Variants in NRXN3 observed in about 807,000 individuals in gnomAD.
The protein encoded by NRXN3 is neurexin 3.
Under a neutral mutation model 137.6 loss-of-function variants are expected in NRXN3, and 32 were observed. The ratio of observed to expected loss-of-function variants is 0.23; its 90% CI spans 0.18 to 0.31. The LOEUF is 0.31. Among genes scored for constraint, NRXN3 ranks in the 10% least tolerant of loss-of-function variants. The pLI, the probability that NRXN3 is intolerant of heterozygous loss-of-function variation, is 1.00. For synonymous variants in NRXN3, 798 were observed against 784.5 expected (o/e 1.02, Z -0.29); for missense variants, 1,574 against 2,062.5 (o/e 0.76, Z 4.59).
intron 4 of NRXN3, among the ~76,000 whole-genome samples, chr14:78,486,383 C>T (rs942838420): frequency 2.6e-5 from 4 of 152,170 alleles, no homozygotes; most frequent in African/African-American, 4.8e-5. Flanking sequence ...TGTAATTTTT[C>T]TCAGAAGGCT....
intron 15 of NRXN3, among the ~76,000 whole-genome samples, chr14:79,433,265 G>C (rs1426477209): frequency 6.6e-6 from 1 of 152,156 alleles, no homozygotes; most frequent in Non-Finnish European, 1.5e-5. Flanking sequence ...AAAAGAAGAT[G>C]ATTGTTACAG....
At position 79,672,377 on chromosome 14, in the gene NRXN3, A is replaced by T. The variant is rs114343839; in HGVS notation, c.3616+8428A>T. On this transcript the variant is annotated intron_variant, in intron 17 of 20. Coordinates refer to ENST00000335750, the MANE Select transcript of NRXN3 (RefSeq NM_001330195.2). ...TGTAACCAGGGATGTAAGATAAAGA[A>T]TTTCTTGATTTCCAACCATAATGCA... Among the ~76,000 whole-genome samples the T allele has an allele frequency of 8.7e-3, 1,320 of 152,188 alleles. 13 individuals are homozygous for T. The highest frequency in any genetic ancestry group is 0.031 in the African/African-American group (1,270 of 41,552).
At chr14:78,694,050 T>C (rs1249608140) in intron 6 of NRXN3, among the ~76,000 whole-genome samples, 1 of 152,004 alleles carries the variant, frequency 6.6e-6, no homozygotes, top group Non-Finnish European at 1.5e-5. Context: ...TTATCAGGTC[T>C]CACCTTAGTA....
chr14:79,237,442 G>T (rs924083624), intron 15 of NRXN3, among the ~76,000 whole-genome samples: 1 of 152,148 alleles, frequency 6.6e-6, no homozygotes, highest in Non-Finnish European at 1.5e-5. Flanking sequence ...CCAACAGTGG[G>T]GTGCAGGGTT....
At chr14:79,800,427 T>A (rs2099174517) in intron 19 of NRXN3, among the ~76,000 whole-genome samples, 1 of 152,216 alleles carries the variant, frequency 6.6e-6, no homozygotes, top group South Asian at 2.1e-4. Context: ...GTAAATGTTA[T>A]TAGTAGGCAT....
chr14:79,853,229 G>A (rs2099395634), intron 20 of NRXN3, among the ~76,000 whole-genome samples: 1 of 152,196 alleles, frequency 6.6e-6, no homozygotes, highest in Non-Finnish European at 1.5e-5. Context: ...AGATGGGGCT[G>A]TGTGGCTGCC....
chr14:79,676,451 AT>A lies in NRXN3; in HGVS notation c.3616+12510del, dbSNP rs1252874666. The stretch of plus-strand genomic sequence containing the variant: ...ATTCCAAAAAGTGAGATTGTATAGT[AT>A]TTTTTTTCTGTGCAAAGTTATAAGG... On this transcript the variant is annotated intron_variant, in intron 17 of 20. Transcript: ENST00000335750. Among the ~76,000 whole-genome samples the A allele has an allele frequency of 3.3e-5, 5 of 151,696 alleles. No homozygotes were observed. The East Asian group carries it at 5.8e-4, about 18-fold the overall frequency.
In NRXN3 at chr14:79,279,289, G is replaced by A. The variant is rs544177675; in HGVS notation, c.3263-187932G>A. 4.9e-5 allele frequency: 46 copies of A among 943,078 alleles called. No individual in the cohort carries two copies. The African/African-American group carries it at 7.8e-4, about 16-fold the overall frequency. The allele number at this position is 943,078 out of a possible 1,614,324, so 58.4% of individuals were successfully genotyped here. On this transcript the variant is annotated intron_variant, in intron 15 of 20. Transcript: ENST00000335750. ...TTCCTCCGGAGCCAGCCAGTCCCTC[G>A]GCAGAGCGCTGGGGCTGCACTGATT...
chr14:79,471,941 G>A (rs79022943), intron 16 of NRXN3, among the ~76,000 whole-genome samples: 1 of 152,010 alleles, frequency 6.6e-6, no homozygotes, highest in African/African-American at 2.4e-5. Context: ...TCATCGCCCA[G>A]GTATTAAGCT....
At chr14:79,618,654 A>T (rs2098188726) in intron 16 of NRXN3, among the ~76,000 whole-genome samples, 1 of 152,134 alleles carries the variant, frequency 6.6e-6, no homozygotes, top group Non-Finnish European at 1.5e-5. Flanking sequence ...TGCTGCAGTG[A>T]ACATACAAGT....
intron 10 of NRXN3, among the ~76,000 whole-genome samples, chr14:78,865,223 T>C (rs890060140): frequency 1.3e-5 from 2 of 152,208 alleles, no homozygotes; most frequent in Non-Finnish European, 2.9e-5. Context: ...CTATTAATCA[T>C]TGATTACAAT....
chr14:78,547,350 C>A (rs1410344036), intron 4 of NRXN3, among the ~76,000 whole-genome samples: 1 of 151,962 alleles, frequency 6.6e-6, no homozygotes, highest in Non-Finnish European at 1.5e-5. Context: ...GGATTACAGG[C>A]GCCCGCTACC....
chr14:79,057,017 A>G (rs1423232879), intron 15 of NRXN3, among the ~76,000 whole-genome samples: 1 of 151,900 alleles, frequency 6.6e-6, no homozygotes, highest in African/African-American at 2.4e-5. Flanking sequence ...ATTGCCTTGT[A>G]TGTTATAAGA....
intron 19 of NRXN3, among the ~76,000 whole-genome samples, chr14:79,759,458 C>A (rs990496573): frequency 2.6e-5 from 4 of 151,046 alleles, no homozygotes; most frequent in Non-Finnish European, 5.9e-5. Flanking sequence ...AAAAAAATAC[C>A]TTACGTATAC....
chr14:78,593,870 C>T (rs898939992), intron 4 of NRXN3, among the ~76,000 whole-genome samples: 1 of 152,104 alleles, frequency 6.6e-6, no homozygotes, highest in African/African-American at 2.4e-5. Flanking sequence ...CCTCTTGCTG[C>T]CCCCACCCCA....
At chr14:79,589,799 G>A (rs1337391682) in intron 16 of NRXN3, among the ~76,000 whole-genome samples, 1 of 152,064 alleles carries the variant, frequency 6.6e-6, no homozygotes, top group African/African-American at 2.4e-5. Flanking sequence ...CTCTTAATGA[G>A]TCTCTGACGC....
chr14:79,713,589 A>ATG (rs2098813228), intron 19 of NRXN3, among the ~76,000 whole-genome samples: 1 of 129,364 alleles, frequency 7.7e-6, no homozygotes, highest in Non-Finnish European at 1.7e-5. Flanking sequence ...ATATACATAT[A>ATG]TATATACATA....
At chr14:79,380,142 AC>A (rs2094423630) in intron 15 of NRXN3, among the ~76,000 whole-genome samples, 2 of 126,776 alleles carry the variant, frequency 1.6e-5, no homozygotes, top group Non-Finnish European at 3.2e-5. Flanking sequence ...ACCTAGATAT[AC>A]TTCTTCTTTT....
intron 15 of NRXN3, among the ~76,000 whole-genome samples, chr14:79,286,604 T>G (rs926542533): frequency 6.7e-6 from 1 of 150,012 alleles, no homozygotes; most frequent in Non-Finnish European, 1.5e-5. Context: ...AAGCAAAGCA[T>G]TCCATCTTTG....
Sources: gnomAD v4.1 joint callset for allele counts (sites outside exome capture counted in the v4.1 genomes callset) on GRCh38, gnomAD v4.1.1 for gene constraint, MANE v1.5 for transcripts, NCBI Gene and HGNC (gene_info 2026-07-23, HGNC 2026-07-21) for gene names.